FBXW4: variants seen among roughly 807,000 people sequenced by gnomAD.
FBXW4 encodes F-box/WD repeat-containing protein 4.
FBXW4 carries 40 observed loss-of-function variants against 61.8 expected under a neutral mutation model. The ratio of observed to expected loss-of-function variants is 0.65; its 90% confidence interval spans 0.50 to 0.84. The LOEUF (loss-of-function observed/expected upper bound fraction) is 0.84. FBXW4 is among the 40% of genes least tolerant of loss of function. The pLI is 0.00. For missense variants in FBXW4, 672 were observed against 753.8 expected (o/e 0.89, Z 1.27); for synonymous variants, 311 against 313.8 (o/e 0.99, Z 0.10).
chr10:101,676,411 G>C lies in FBXW4; in HGVS notation c.751C>G (p.Arg251Gly). 6.2e-7 allele frequency: 1 copy of C among 1,613,276 alleles called. No homozygotes were observed. Among genetic ancestry groups the C allele is most frequent in the Non-Finnish European group, 8.5e-7 (1 of 1,179,714 alleles). ...DLMTSVPVKERVKVSQNWRLG... is the reference protein window; with the variant it reads ...DLMTSVPVKEGVKVSQNWRLG... Reference sequence around the variant, plus strand: ...CTCCAGTTCTGAGACACCTTCACTCGTTCCTTCACTGGGACACTGGTCATC... The same window carrying C: ...CTCCAGTTCTGAGACACCTTCACTCCTTCCTTCACTGGGACACTGGTCATC... Residue 251 changes from arginine to glycine, a missense_variant, in exon 2 of 9, where the codon CGA becomes GGA. Physicochemically the swap from Arg to Gly is moderately radical, Grantham distance 125 (BLOSUM62 -2). Coordinates refer to ENST00000331272, the MANE Select transcript of FBXW4 (RefSeq NM_022039.4).
chr10:101,678,345 G>C (rs907051654), intron 1 of FBXW4, among the ~76,000 whole-genome samples: 2 of 152,204 alleles, frequency 1.3e-5, no homozygotes, highest in African/African-American at 4.8e-5. Flanking sequence ...CCCATACAAG[G>C]TACACTGCTT....
intron 5 of FBXW4, among the ~76,000 whole-genome samples, chr10:101,648,532 A>C (rs1038687807): frequency 2.6e-5 from 4 of 152,154 alleles, no homozygotes; most frequent in Admixed American, 2.6e-4. Context: ...CAACAGGAAA[A>C]GGAGTCAGAA....
At chr10:101,655,128 C>T (rs4919566) in intron 5 of FBXW4, among the ~76,000 whole-genome samples, 4 of 152,096 alleles carry the variant, frequency 2.6e-5, no homozygotes, top group Non-Finnish European at 2.9e-5. Flanking sequence ...CCATGCCTGG[C>T]CTATTTATGT....
chr10:101,690,071 G>A (rs1454799412), intron 1 of FBXW4, among the ~76,000 whole-genome samples: 1 of 152,214 alleles, frequency 6.6e-6, no homozygotes, highest in Non-Finnish European at 1.5e-5. Context: ...GATCAAGTAA[G>A]CTTTCTTTAA....
Position 101,676,441 on chromosome 10 carries a change from G to A in FBXW4, c.726-5C>T, listed in dbSNP as rs745521092. 9.9e-6 allele frequency: 16 copies of A among 1,610,358 alleles called. No individual in the cohort carries two copies. Among genetic ancestry groups the A allele is most frequent in the East Asian group, 2.2e-5 (1 of 44,784 alleles). ...TTCACTGGGACACTGGTCATCCTAT[G>A]TCCAGACAGAACAGATAATCCAATC... On this transcript the variant is annotated splice_region_variant and splice_polypyrimidine_tract_variant and intron_variant, in intron 1 of 8. Transcript: ENST00000331272.
chr10:101,681,274 G>C (rs557935393), intron 1 of FBXW4, among the ~76,000 whole-genome samples: 1 of 151,948 alleles, frequency 6.6e-6, no homozygotes, highest in Admixed American at 6.6e-5. Flanking sequence ...TGCAATCCCA[G>C]CTACTCGGGA....
rs375328628 is a variant in FBXW4, at chr10:101,624,724, A to G, written c.1301+21T>C. 4.3e-6 allele frequency: 7 copies of G among 1,613,796 alleles called. No individual in the cohort carries two copies. In the African/African-American group the frequency reaches 8.0e-5, roughly 18 times the overall value. ...CTCACCTCCTGGACTGGAAGCCAGC[A>G]TGGGCTCATGAATCTCTTACCTGTT... On this transcript the variant is annotated intron_variant, in intron 6 of 8. Transcript: ENST00000331272.
Position 101,694,732 on chromosome 10 carries a change from AC to A in FBXW4, c.373del (p.Val125SerfsTer102). 7.3e-7 allele frequency: 1 copy of A among 1,367,080 alleles called. No homozygotes were observed. The highest frequency in any genetic ancestry group is 9.4e-7 in the Non-Finnish European group (1 of 1,068,530). The allele number at this position is 1,367,080 out of a possible 1,614,324, so 84.7% of individuals were successfully genotyped here. A position where few individuals can be genotyped will look rare whatever the true frequency, so the allele number is the denominator to read the frequency against. On this transcript the variant is annotated frameshift_variant, in exon 1 of 9. Transcript: ENST00000331272. LOFTEE classifies it high-confidence loss of function. This position sits in a 1 kb window ranked among gnomAD's most constrained non-coding sequence, Gnocchi z 6.0. ...REYGKKEEWR[V>X]RARRREGARP... is the part of the protein sequence containing the mutation. ...GGCGCCCTCCCGCCGCCTAGCCCTGACCCTCCATTCCTCCTTCTTCCCATAC... is the reference window on the plus strand; with the variant it reads ...GGCGCCCTCCCGCCGCCTAGCCCTGACCTCCATTCCTCCTTCTTCCCATAC...
intron 1 of FBXW4, among the ~76,000 whole-genome samples, chr10:101,679,288 A>T (rs1265385572): frequency 6.6e-6 from 1 of 152,228 alleles, no homozygotes; most frequent in Non-Finnish European, 1.5e-5. Context: ...TTTAACCAAC[A>T]TTTAATGTGG....
chr10:101,666,936 C>G (rs1451904316), intron 5 of FBXW4, among the ~76,000 whole-genome samples: 1 of 151,372 alleles, frequency 6.6e-6, no homozygotes, highest in Non-Finnish European at 1.5e-5. Context: ...AAAAAAAAAC[C>G]ACCCCATTTC....
rs781525062 is a variant in FBXW4, at chr10:101,611,441, G to C, written c.1585-31C>G. 4 of 1,606,760 alleles carry C rather than the reference G, an allele frequency of 2.5e-6. No individual in the cohort carries two copies. Among genetic ancestry groups the C allele is most frequent in the Non-Finnish European group, 3.4e-6 (4 of 1,176,216 alleles). Reference sequence around the variant, plus strand: ...AGGGAGGGCACAGGAAGTGGTAAGAGCTTTCCAAGTGGGACATGGGTGTGC... The same window carrying C: ...AGGGAGGGCACAGGAAGTGGTAAGACCTTTCCAAGTGGGACATGGGTGTGC... On this transcript the variant is annotated intron_variant, in intron 8 of 8. Coordinates refer to ENST00000331272, the MANE Select transcript of FBXW4 (RefSeq NM_022039.4). This position sits in a 1 kb window ranked among gnomAD's most constrained non-coding sequence, Gnocchi z 4.9.
At chr10:101,641,740 G>A (rs1046774721) in intron 5 of FBXW4, among the ~76,000 whole-genome samples, 1 of 151,652 alleles carries the variant, frequency 6.6e-6, no homozygotes, top group African/African-American at 2.4e-5. Flanking sequence ...ATTTGAAGTT[G>A]TAAATCAGAA....
chr10:101,657,961 T>C (rs2064204528), intron 5 of FBXW4, among the ~76,000 whole-genome samples: 2 of 152,226 alleles, frequency 1.3e-5, no homozygotes, highest in Non-Finnish European at 2.9e-5. Flanking sequence ...GTGCCTATTC[T>C]CTTTCTCCAT....
intron 1 of FBXW4, 54 bp from the exon 2 acceptor site, chr10:101,676,490 G>C: frequency 6.8e-7 from 1 of 1,461,318 alleles, no homozygotes; most frequent in South Asian, 1.2e-5. Flanking sequence ...GCCAACCACA[G>C]AAAATTTCAT....
intron 5 of FBXW4, among the ~76,000 whole-genome samples, chr10:101,664,417 A>G (rs1004738088): frequency 6.6e-6 from 1 of 152,244 alleles, no homozygotes; most frequent in Non-Finnish European, 1.5e-5. Context: ...CAGGTAAACC[A>G]GGAGTACCTG....
intron 5 of FBXW4, among the ~76,000 whole-genome samples, chr10:101,643,051 T>C (rs1236378729): frequency 1.3e-5 from 2 of 152,140 alleles, no homozygotes; most frequent in African/African-American, 4.8e-5. Context: ...TCCTCAGAAA[T>C]AGGAGAAGGC....
At chr10:101,628,764 C>G (rs1054338481) in intron 5 of FBXW4, among the ~76,000 whole-genome samples, 1 of 152,204 alleles carries the variant, frequency 6.6e-6, no homozygotes, top group Non-Finnish European at 1.5e-5. Context: ...CACACACAGT[C>G]AGGCACACTC....
chr10:101,633,977 G>T (rs2063980262), intron 5 of FBXW4, among the ~76,000 whole-genome samples: 1 of 152,062 alleles, frequency 6.6e-6, no homozygotes, highest in Admixed American at 6.5e-5. Flanking sequence ...GCCAGGCGTG[G>T]TGGTGGGCAC....
At chr10:101,666,829 G>C (rs1347031825) in intron 5 of FBXW4, among the ~76,000 whole-genome samples, 2 of 152,048 alleles carry the variant, frequency 1.3e-5, no homozygotes, top group African/African-American at 4.8e-5. Context: ...GGCCAAGATG[G>C]GAGGATCACT....
Sources: gnomAD v4.1 joint callset for allele counts (sites outside exome capture counted in the v4.1 genomes callset) on GRCh38, gnomAD v4.1.1 for gene constraint, Gnocchi (gnomAD v3.1) non-coding constraint, MANE v1.5 for transcripts, NCBI Gene and HGNC (gene_info 2026-07-23, HGNC 2026-07-21) for gene names.